RBFOX1: variants seen among roughly 807,000 people sequenced by gnomAD.
The protein encoded by RBFOX1 is RNA binding protein fox-1 homolog 1.
RBFOX1 carries 8 observed loss-of-function variants against 57.7 expected under a neutral mutation model. That is an observed-to-expected ratio of 0.14 (90% confidence interval 0.08 to 0.25). The LOEUF is 0.25. Among genes scored for constraint, RBFOX1 ranks in the 10% least tolerant of loss-of-function variants. The probability of loss-of-function intolerance (pLI) is 1.00; values close to 1 mark genes in which losing one functional copy is unlikely to be tolerated. For synonymous variants in RBFOX1, 326 were observed against 222.4 expected (o/e 1.47, Z -4.15); for missense variants, 611 against 548.5 (o/e 1.11, Z -1.14).
intron 4 of RBFOX1, among the ~76,000 whole-genome samples, chr16:5,878,324 T>C (rs2057669898): frequency 6.6e-6 from 1 of 152,192 alleles, no homozygotes; most frequent in Non-Finnish European, 1.5e-5. Flanking sequence ...ATGTATTGTA[T>C]ATAAATTACC....
intron 1 of RBFOX1, among the ~76,000 whole-genome samples, chr16:6,188,124 T>G (rs940154143): frequency 2.0e-5 from 3 of 152,126 alleles, no homozygotes; most frequent in Admixed American, 2.0e-4. Flanking sequence ...TATTTGTAAG[T>G]TTTGCATCCC....
At chr16:5,437,591 G>C (rs2067955462) in intron 1 of RBFOX1, among the ~76,000 whole-genome samples, 2 of 152,156 alleles carry the variant, frequency 1.3e-5, no homozygotes, top group Non-Finnish European at 2.9e-5. Context: ...ACTAAAAATT[G>C]TTTTTAAAGA....
At chr16:5,972,010 T>A (rs1393831498) in intron 4 of RBFOX1, among the ~76,000 whole-genome samples, 1 of 152,232 alleles carries the variant, frequency 6.6e-6, no homozygotes, top group African/African-American at 2.4e-5. Flanking sequence ...GGACGTGTGC[T>A]TCTTCCTGCC....
chr16:6,703,757 C>G (rs556869542), intron 3 of RBFOX1: 1 of 152,338 alleles, frequency 6.6e-6, no homozygotes, highest in East Asian at 1.9e-4. Context: ...AGTTCAAGGA[C>G]AAGACCAGCA....
intron 4 of RBFOX1, among the ~76,000 whole-genome samples, chr16:7,403,988 G>A (rs918827788): frequency 3.4e-5 from 5 of 149,176 alleles, no homozygotes; most frequent in Admixed American, 3.3e-4. Context: ...TTGTGAATAT[G>A]CCGCAGTGAA....
In RBFOX1 at chr16:6,560,014, C is replaced by T. The variant is rs116237888; in HGVS notation, c.-63-94589C>T. On this transcript the variant is annotated intron_variant, in intron 2 of 15. Transcript: ENST00000550418. ...TTGTTCTTCAAGCCCATTGAGTTCC[C>T]GTAAAAATCACTTACTACCTATGCT... Among the ~76,000 whole-genome samples the T allele has an allele frequency of 8.8e-3, 1,339 of 152,110 alleles. 21 individuals carry two copies. The highest frequency in any genetic ancestry group is 0.031 in the African/African-American group (1,284 of 41,480).
chr16:7,318,380 G>A (rs1444473528), intron 4 of RBFOX1, among the ~76,000 whole-genome samples: 1 of 152,080 alleles, frequency 6.6e-6, no homozygotes, highest in Non-Finnish European at 1.5e-5. Context: ...TGGTGATGAT[G>A]TTTGGTGATG....
intron 1 of RBFOX1, among the ~76,000 whole-genome samples, chr16:5,362,503 C>T (rs555757084): frequency 6.6e-6 from 1 of 152,196 alleles, no homozygotes; most frequent in Non-Finnish European, 1.5e-5. Context: ...GCTGGGATTA[C>T]AGGCATGCGC....
intron 2 of RBFOX1, among the ~76,000 whole-genome samples, chr16:6,622,505 A>C (rs2098247730): frequency 6.6e-6 from 1 of 152,154 alleles, no homozygotes; most frequent in Non-Finnish European, 1.5e-5. Flanking sequence ...TACACCATCT[A>C]GGTTTGTATA....
At chr16:6,303,308 T>A (rs550054933) in intron 1 of RBFOX1, among the ~76,000 whole-genome samples, 25 of 151,924 alleles carry the variant, frequency 1.6e-4, no homozygotes. Flanking sequence ...AATAAGGTGC[T>A]CTGGAGTCCA....
chr16:6,960,165 C>T (rs2082661681), intron 3 of RBFOX1, among the ~76,000 whole-genome samples: 1 of 152,100 alleles, frequency 6.6e-6, no homozygotes, highest in Non-Finnish European at 1.5e-5. Context: ...TCTAAAGGAA[C>T]TCCCCACACC....
intron 4 of RBFOX1, among the ~76,000 whole-genome samples, chr16:7,483,206 AAT>A (rs1394079797): frequency 6.6e-6 from 1 of 152,232 alleles, no homozygotes; most frequent in Non-Finnish European, 1.5e-5. Flanking sequence ...TGACTGCGGA[AAT>A]AGACTCATCA....
In RBFOX1 at chr16:6,376,141, A is replaced by T. The variant is rs1363622472; in HGVS notation, c.-64+59084A>T. On this transcript the variant is annotated intron_variant, in intron 2 of 15. Transcript: ENST00000550418. ...TCATATCACATTTATCCCAGTGGAA[A>T]TTTCATATCAATATCTGTGATTCTT... Among the ~76,000 whole-genome samples, 6 of 152,220 alleles carry T rather than the reference A, an allele frequency of 3.9e-5. 1 individual carries two copies. Among genetic ancestry groups the T allele is most frequent in the Middle Eastern group, 6.8e-3 (2 of 294 alleles).
intron 14 of RBFOX1, among the ~76,000 whole-genome samples, chr16:7,691,035 A>T (rs1161342806): frequency 6.6e-6 from 1 of 152,146 alleles, no homozygotes; most frequent in Middle Eastern, 3.2e-3. Context: ...TCATGGAATT[A>T]ATTAATGAAC....
intron 2 of RBFOX1, among the ~76,000 whole-genome samples, chr16:6,554,189 T>G (rs1399837761): frequency 6.6e-6 from 1 of 152,156 alleles, no homozygotes; most frequent in African/African-American, 2.4e-5. Context: ...CTCTAGGGGT[T>G]TAAGAAATAA....
intron 14 of RBFOX1, among the ~76,000 whole-genome samples, chr16:7,694,319 A>G (rs1395891577): frequency 1.3e-5 from 2 of 152,186 alleles, no homozygotes; most frequent in African/African-American, 2.4e-5. Flanking sequence ...CCTTTTATCA[A>G]TGCTGCAGTA....
intron 1 of RBFOX1, among the ~76,000 whole-genome samples, chr16:6,098,553 A>C (rs1412340850): frequency 6.6e-6 from 1 of 152,246 alleles, no homozygotes; most frequent in Non-Finnish European, 1.5e-5. Context: ...AATTAATTAT[A>C]GAAGCATTAG....
intron 3 of RBFOX1, among the ~76,000 whole-genome samples, chr16:5,617,431 A>G (rs914441990): frequency 6.6e-6 from 1 of 152,208 alleles, no homozygotes; most frequent in Admixed American, 6.5e-5. Context: ...CACTGAGTCA[A>G]AAACCCCAGA....
At chr16:7,684,705 A>C (rs2075682068) in intron 14 of RBFOX1, among the ~76,000 whole-genome samples, 1 of 151,872 alleles carries the variant, frequency 6.6e-6, no homozygotes, top group African/African-American at 2.4e-5. Context: ...GTAATTTAAA[A>C]TTTTAGAATG....
Sources: gnomAD v4.1 joint callset for allele counts (sites outside exome capture counted in the v4.1 genomes callset) on GRCh38, gnomAD v4.1.1 for gene constraint, MANE v1.5 for transcripts, NCBI Gene and HGNC (gene_info 2026-07-23, HGNC 2026-07-21) for gene names.